ZNF385B: variants seen among roughly 807,000 people sequenced by gnomAD.
The protein encoded by ZNF385B is zinc finger protein 533.
A neutral mutation model predicts 39.2 loss-of-function variants in ZNF385B; 23 were observed. The ratio of observed to expected loss-of-function variants is 0.59; its 90% CI spans 0.42 to 0.83. The LOEUF (loss-of-function observed/expected upper bound fraction) is 0.83, where lower values mean the gene tolerates loss of function less well. ZNF385B is among the 40% of genes least tolerant of loss of function. The probability of loss-of-function intolerance (pLI) is 0.00; values close to 1 mark genes in which losing one functional copy is unlikely to be tolerated. For synonymous variants in ZNF385B, 205 were observed against 222.6 expected (o/e 0.92, Z 0.70); for missense variants, 552 against 598.9 (o/e 0.92, Z 0.82).
intron 3 of ZNF385B, among the ~76,000 whole-genome samples, chr2:179,665,493 AT>A (rs1329110707): frequency 6.6e-6 from 1 of 152,202 alleles, no homozygotes; most frequent in Non-Finnish European, 1.5e-5. Flanking sequence ...AAAGGCAATA[AT>A]TTATACGTTT....
At chr2:179,792,920 T>C (rs892798677) in intron 1 of ZNF385B, among the ~76,000 whole-genome samples, 31 of 152,220 alleles carry the variant, frequency 2.0e-4, no homozygotes, top group Non-Finnish European at 7.3e-5. Flanking sequence ...GCTTAAAATA[T>C]AGATACCTGC....
At chr2:179,690,955 C>G (rs1332002392) in intron 3 of ZNF385B, among the ~76,000 whole-genome samples, 1 of 152,106 alleles carries the variant, frequency 6.6e-6, no homozygotes, top group Non-Finnish European at 1.5e-5. Context: ...TGATTTAGAT[C>G]TAGAGGAAGG....
chr2:179,607,908 C>CTTTTTTTTTTTTTTTTTTTTTTTTTTT (rs71029822), intron 3 of ZNF385B, among the ~76,000 whole-genome samples: 1 of 97,452 alleles, frequency 1.0e-5, no homozygotes, highest in Non-Finnish European at 2.0e-5. Flanking sequence ...CTCAGAAACT[C>CTTTTTTTTTTTTTTTTTTTTTTTTTTT]TTTTTTTTTT....
rs556664885 is a variant in ZNF385B at position 179,794,971 on chromosome 2, T to TA, written c.-154-24300dup. ...AAGAGTATGTGAGGAGGAGAATTTT[T>TA]AAAAAATGAATGAGAAAATAAGGAA... On this transcript the variant is annotated intron_variant, in intron 1 of 9. Coordinates refer to ENST00000410066, the MANE Select transcript of ZNF385B (RefSeq NM_152520.6). 1.8e-3 allele frequency among the ~76,000 whole-genome samples: 278 copies of TA among 152,110 alleles called. 1 individual carries two copies. The highest frequency in any genetic ancestry group is 0.014 in the Middle Eastern group (4 of 294).
intron 3 of ZNF385B, among the ~76,000 whole-genome samples, chr2:179,569,917 G>C (rs1685023882): frequency 6.6e-6 from 1 of 152,186 alleles, no homozygotes; most frequent in Admixed American, 6.5e-5. Flanking sequence ...AGGAGGAGTT[G>C]AGTATCCTGA....
At chr2:179,572,448 G>A (rs1559499568) in intron 3 of ZNF385B, among the ~76,000 whole-genome samples, 1 of 152,074 alleles carries the variant, frequency 6.6e-6, no homozygotes, top group Non-Finnish European at 1.5e-5. Flanking sequence ...GGAAAAGAGA[G>A]GCTGATAGAG....
chr2:179,811,305 A>G (rs556505003), intron 1 of ZNF385B, among the ~76,000 whole-genome samples: 16 of 152,310 alleles, frequency 1.1e-4, no homozygotes, highest in Non-Finnish European at 2.1e-4. Flanking sequence ...AAAAAGAACT[A>G]TTATTAAATT....
At chr2:179,601,900 T>G (rs1688437046) in intron 3 of ZNF385B, among the ~76,000 whole-genome samples, 1 of 152,200 alleles carries the variant, frequency 6.6e-6, no homozygotes, top group Non-Finnish European at 1.5e-5. Flanking sequence ...AGCTATGATC[T>G]GCTATGCTTT....
At chr2:179,745,161 G>A (rs762170853) in intron 3 of ZNF385B, among the ~76,000 whole-genome samples, 2 of 152,054 alleles carry the variant, frequency 1.3e-5, no homozygotes, top group Non-Finnish European at 2.9e-5. Flanking sequence ...ATTAATTACT[G>A]TTGGTTGTCC....
Position 179,443,258 on chromosome 2 carries a change from G to T in ZNF385B, c.1453C>A (p.Pro485Thr). The T allele has an allele frequency of 6.2e-7, 1 of 1,612,366 alleles. No homozygotes were observed. Among genetic ancestry groups the T allele is most frequent in the Non-Finnish European group, 8.5e-7 (1 of 1,180,036 alleles). Residue 485 changes from proline to threonine, a missense_variant, in exon 10 of 10, where the codon CCG (proline) becomes ACG (threonine). By Grantham distance (38) the Pro-to-Thr change is conservative (BLOSUM62 -1). Coordinates refer to ENST00000410066, the MANE Select transcript of ZNF385B (RefSeq NM_152520.6). The part of the protein sequence containing the change: ...RATPASILFA[P>T]Y ...CTTGGGGTTTGCAGACGTTAGTACG[G>T]AGCAAAGAGGATGGAGGCAGGAGTG... is the stretch of plus-strand genomic sequence containing the variant.
intron 1 of ZNF385B, among the ~76,000 whole-genome samples, chr2:179,820,077 G>C (rs1480707262): frequency 2.0e-5 from 3 of 151,980 alleles, no homozygotes; most frequent in African/African-American, 7.2e-5. Flanking sequence ...GTATATGTGT[G>C]TGTGTATATA....
intron 3 of ZNF385B, among the ~76,000 whole-genome samples, chr2:179,626,528 C>A (rs565740182): frequency 1.2e-4 from 19 of 152,060 alleles, no homozygotes; most frequent in Admixed American, 3.3e-4. Context: ...AACCCAGATA[C>A]GTAAATCAAA....
intron 4 of ZNF385B, among the ~76,000 whole-genome samples, chr2:179,524,077 C>T (rs12477284): frequency 0.013 from 2,041 of 152,074 alleles, 63 homozygotes; most frequent in Admixed American, 0.06. Flanking sequence ...GGATTACAGA[C>T]GTGAGCCACC....
At chr2:179,499,702 T>G (rs1438006745) in intron 5 of ZNF385B, among the ~76,000 whole-genome samples, 1 of 151,974 alleles carries the variant, frequency 6.6e-6, no homozygotes, top group Non-Finnish European at 1.5e-5. Flanking sequence ...GGGGAGAAAC[T>G]TAAAACCTTT....
At chr2:179,708,949 T>G (rs1175851259) in intron 3 of ZNF385B, among the ~76,000 whole-genome samples, 1 of 152,210 alleles carries the variant, frequency 6.6e-6, no homozygotes, top group East Asian at 1.9e-4. Flanking sequence ...AATAAGGTGG[T>G]CTCTGCAATG....
At position 179,609,475 on chromosome 2, in the gene ZNF385B, T is replaced by G. The variant is rs1018660158; in HGVS notation, c.299-64506A>C. Among the ~76,000 whole-genome samples, 50 of 152,242 alleles carry G rather than the reference T, an allele frequency of 3.3e-4. 1 individual carries two copies. Among genetic ancestry groups the G allele is most frequent in the Non-Finnish European group, 5.9e-5 (4 of 68,040 alleles). ...TACCACATTTTCTTATCCATTAATC[T>G]GTCAATGGACACTTAGGTTGGTTCC... On this transcript the variant is annotated intron_variant, in intron 3 of 9. Transcript: ENST00000410066.
chr2:179,548,079 C>T (rs1348249570), intron 3 of ZNF385B, among the ~76,000 whole-genome samples: 1 of 149,438 alleles, frequency 6.7e-6, no homozygotes, highest in Admixed American at 6.6e-5. Context: ...ATTTTGTATC[C>T]TGTAACTTTA....
chr2:179,517,475 T>A (rs188083651), intron 5 of ZNF385B, among the ~76,000 whole-genome samples: 58 of 152,150 alleles, frequency 3.8e-4, no homozygotes, highest in African/African-American at 1.3e-3. Context: ...TAAAATTATA[T>A]TAAATATAAT....
intron 6 of ZNF385B, among the ~76,000 whole-genome samples, chr2:179,455,663 G>A (rs1363383839): frequency 6.6e-6 from 1 of 152,016 alleles, no homozygotes; most frequent in Non-Finnish European, 1.5e-5. Context: ...GGCTGAGGCA[G>A]GCAGATCACT....
Sources: allele counts gnomAD v4.1 joint callset (sites outside exome capture counted in the v4.1 genomes callset), GRCh38; gene constraint gnomAD v4.1.1; transcripts MANE v1.5; gene names NCBI Gene and HGNC (gene_info 2026-07-23, HGNC 2026-07-21).